TNRC18: variants seen among roughly 807,000 people sequenced by gnomAD.
The protein encoded by TNRC18 is trinucleotide repeat containing 18, also known as trinucleotide repeat-containing gene 18 protein.
TNRC18 carries 69 observed loss-of-function variants against 226.7 expected under a neutral mutation model. The observed-to-expected ratio is 0.30, with a 90% CI of 0.25 to 0.37. The LOEUF is 0.37. Ranked by LOEUF, TNRC18 falls within the 10% of genes least tolerant of loss-of-function variation. The pLI is 1.00. For missense variants in TNRC18, 4,754 were observed against 4,256.6 expected (o/e 1.12, Z -3.25); for synonymous variants, 2,449 against 1,927.6 (o/e 1.27, Z -7.09).
chr7:5,341,293 C>G (rs558754519), intron 18 of TNRC18, among the ~76,000 whole-genome samples: 2 of 151,394 alleles, frequency 1.3e-5, no homozygotes, highest in African/African-American at 4.9e-5. Context: ...GTGGCGGGCA[C>G]CTGTAGTCTC....
rs1327175436 is a variant in TNRC18 at position 5,376,116 on chromosome 7, T to C, written c.2717A>G (p.His906Arg). The C allele has an allele frequency of 1.0e-5, 16 of 1,591,182 alleles. No individual in the cohort carries two copies. The highest frequency in any genetic ancestry group is 1.3e-5 in the Non-Finnish European group (15 of 1,169,862). ...AQQLQLFSQQ[H>R]FLRQQEFLYL... ...CAGGAACTCCTGCTGCCGCAGGAAG[T>C]GCTGCTGTGAGAAGAGCTGCAGCTG... is the stretch of plus-strand genomic sequence containing the variant. The change falls in exon 9 of 30, where the codon CAC (histidine) becomes CGC (arginine). Residue 906 changes from histidine to arginine, a missense_variant. By Grantham distance (29) the His-to-Arg change is conservative (BLOSUM62 0). Transcript: ENST00000430969.
Position 5,421,146 on chromosome 7 carries a change from G to C in TNRC18, c.101C>G (p.Thr34Ser), listed in dbSNP as rs943198082. 10 of 1,435,140 alleles carry C rather than the reference G, an allele frequency of 7.0e-6. No homozygotes were observed. In the African/African-American group the frequency reaches 1.3e-4, roughly 19 times the overall value. 88.9% of individuals were successfully genotyped at this position (1,435,140 alleles called of 1,614,324 possible). A position where few individuals can be genotyped will look rare whatever the true frequency, so the allele number is the denominator to read the frequency against. ...AMDSHRVGAA[T>S]AGRLPASGLP... ...GCCCGAGGCGGGCAAGCGTCCGGCAGTGGCCGCGCCCACGCGGTGGCTGTC... is the reference window on the plus strand; with the variant it reads ...GCCCGAGGCGGGCAAGCGTCCGGCACTGGCCGCGCCCACGCGGTGGCTGTC... Residue 34 changes from threonine to serine, a missense_variant, in exon 2 of 30, where the codon ACT becomes AGT. Thr to Ser is a moderately conservative substitution (Grantham distance 58). Coordinates refer to ENST00000430969, the MANE Select transcript of TNRC18 (RefSeq NM_001080495.3).
Position 5,388,310 on chromosome 7 carries a change from C to T in TNRC18, c.1514G>A (p.Gly505Asp). ...GLEPGRPPPT[G>D]PEHKWKPFEL... The stretch of plus-strand genomic sequence containing the variant: ...GAAGGGTTTCCATTTATGCTCAGGG[C>T]CGGTGGGCGGGGGGCGCCCGGGCTC... The change falls in exon 5 of 30, where the codon GGC (glycine) becomes GAC (aspartate). Residue 505 changes from glycine (G) to aspartate (D), a missense_variant. Transcript: ENST00000430969. 1.3e-6 allele frequency: 2 copies of T among 1,524,844 alleles called. No individual in the cohort carries two copies. The highest frequency in any genetic ancestry group is 1.7e-5 in the Admixed American group (1 of 57,580). 94.5% of individuals were successfully genotyped at this position (1,524,844 alleles called of 1,614,324 possible).
intron 21 of TNRC18, among the ~76,000 whole-genome samples, chr7:5,322,183 C>T (rs1788442131): frequency 6.6e-6 from 1 of 151,738 alleles, no homozygotes; most frequent in South Asian, 2.1e-4. Context: ...GAGGCTGAGG[C>T]AAAAGAATTG....
At position 5,390,506 on chromosome 7, in the gene TNRC18, T is replaced by G; in HGVS notation, c.466A>C (p.Lys156Gln). Residue 156 changes from lysine to glutamine, a missense_variant, in exon 4 of 30, where the codon AAA (lysine) becomes CAA (glutamine). Transcript: ENST00000430969. The stretch of plus-strand genomic sequence containing the variant: ...TTACCTCCTCCTGGCCCCTGACCTT[T>G]CTGGGTATCGAAAATGCTGGGCTGA... ...LGQPSIFDTQKGQGPGGDGFY... is the reference protein window; with the variant it reads ...LGQPSIFDTQQGQGPGGDGFY... 1 of 1,613,576 alleles carries G rather than the reference T, an allele frequency of 6.2e-7. No homozygotes were observed. Among genetic ancestry groups the G allele is most frequent in the East Asian group, 2.2e-5 (1 of 44,866 alleles).
At chr7:5,310,350 C>T (rs1036085052) in intron 27 of TNRC18, among the ~76,000 whole-genome samples, 10 of 152,182 alleles carry the variant, frequency 6.6e-5, no homozygotes, top group Non-Finnish European at 1.5e-4. Flanking sequence ...CTGCCTCAGC[C>T]TCCCAAGTAG....
In TNRC18 at chr7:5,394,372, T is replaced by C. The variant is rs1281462660; in HGVS notation, c.343+68A>G. ...TCAGCGATGACAACAGAGGGGCACA[T>C]GAAGTGGCCAGAGTGGCTGGGACGT... On this transcript the variant is annotated intron_variant, in intron 3 of 29. Transcript: ENST00000430969. This position sits in a 1 kb window ranked among gnomAD's most constrained non-coding sequence, Gnocchi z 4.5. The C allele has an allele frequency of 7.1e-7, 1 of 1,411,110 alleles. No homozygotes were observed. Among genetic ancestry groups the C allele is most frequent in the Non-Finnish European group, 9.4e-7 (1 of 1,067,470 alleles). 87.4% of individuals were successfully genotyped at this position (1,411,110 alleles called of 1,614,324 possible).
Position 5,374,443 on chromosome 7 carries a change from T to A in TNRC18, c.2841A>T (p.Glu947Asp). 6.5e-7 allele frequency: 1 copy of A among 1,546,290 alleles called. No individual in the cohort carries two copies. Among genetic ancestry groups the A allele is most frequent in the Non-Finnish European group, 8.7e-7 (1 of 1,145,374 alleles). ...CCAGGCCCCGCTTGCTCCCCTTCTC[T>A]TCCATCTCCGCCCGGTGCTCCTGCG... ...LKAQEHRAEM[E>D]EKGSKRGLEA... is the part of the protein sequence containing the mutation. The change falls in exon 10 of 30, where the codon GAA (glutamate) becomes GAT (aspartate). Residue 947 changes from glutamate (E) to aspartate (D), a missense_variant. Transcript: ENST00000430969.
chr7:5,329,259 C>G (rs1789258603), intron 19 of TNRC18, among the ~76,000 whole-genome samples: 1 of 150,662 alleles, frequency 6.6e-6, no homozygotes, highest in Non-Finnish European at 1.5e-5. Context: ...GCCAAGATCT[C>G]ACCACTGTAC....
At chr7:5,315,388 G>A (rs112915601) in intron 25 of TNRC18, among the ~76,000 whole-genome samples, 11,210 of 151,424 alleles carry the variant, frequency 0.074, 590 homozygotes, top group Non-Finnish European at 0.11. Context: ...AACCGGGACA[G>A]GTGGATAAAG....
intron 24 of TNRC18, among the ~76,000 whole-genome samples, chr7:5,316,332 T>C (rs924288378): frequency 1.9e-4 from 25 of 129,846 alleles, no homozygotes; most frequent in Non-Finnish European, 3.4e-4. Context: ...CAGGCTGGAG[T>C]GCAATGGCAT....
At chr7:5,403,874 A>G (rs1781281536) in intron 2 of TNRC18, among the ~76,000 whole-genome samples, 1 of 152,080 alleles carries the variant, frequency 6.6e-6, no homozygotes, top group Non-Finnish European at 1.5e-5. Flanking sequence ...CAGAATTGTC[A>G]CCCAGGAAAG....
intron 3 of TNRC18, among the ~76,000 whole-genome samples, chr7:5,393,471 C>T (rs1464484747): frequency 2.0e-5 from 3 of 152,198 alleles, no homozygotes; most frequent in Admixed American, 6.5e-5. Context: ...CCGCAGGATT[C>T]GGGATGACGG....
intron 19 of TNRC18, among the ~76,000 whole-genome samples, chr7:5,332,287 G>A (rs943173907): frequency 6.6e-6 from 1 of 152,134 alleles, no homozygotes; most frequent in Non-Finnish European, 1.5e-5. Context: ...CAATAAATTA[G>A]CCAGGTGCAG....
At chr7:5,397,598 A>AC (rs1272981270) in intron 2 of TNRC18, among the ~76,000 whole-genome samples, 3 of 151,782 alleles carry the variant, frequency 2.0e-5, no homozygotes, top group African/African-American at 7.3e-5. Flanking sequence ...CCAGCGTGCC[A>AC]CCCCCCTCAC....
chr7:5,311,022 G>A (rs1787140678), intron 27 of TNRC18, among the ~76,000 whole-genome samples: 1 of 151,860 alleles, frequency 6.6e-6, no homozygotes, highest in Non-Finnish European at 1.5e-5. Flanking sequence ...GCCTACGTTT[G>A]TGTACGTGTG....
At chr7:5,381,142 G>A (rs1273288639) in intron 5 of TNRC18, among the ~76,000 whole-genome samples, 1 of 152,156 alleles carries the variant, frequency 6.6e-6, no homozygotes, top group Non-Finnish European at 1.5e-5. Context: ...GCCACCCTCA[G>A]GGCCTCAAGG....
At chr7:5,329,939 A>T in intron 19 of TNRC18, 1 of 471,108 alleles carries the variant, frequency 2.1e-6, no homozygotes, top group Non-Finnish European at 4.4e-6. Flanking sequence ...AGGCTCACCC[A>T]GTGTCTGCCT....
intron 3 of TNRC18, among the ~76,000 whole-genome samples, chr7:5,392,594 C>T (rs1052981915): frequency 3.3e-5 from 5 of 152,036 alleles, no homozygotes; most frequent in Admixed American, 1.3e-4. Context: ...CTAGCCTGGG[C>T]GACAGAGCAA....
Sources: gnomAD v4.1 joint callset for allele counts (sites outside exome capture counted in the v4.1 genomes callset) on GRCh38, gnomAD v4.1.1 for gene constraint, Gnocchi (gnomAD v3.1) non-coding constraint, MANE v1.5 for transcripts, NCBI Gene and HGNC (gene_info 2026-07-23, HGNC 2026-07-21) for gene names.